The following ZNF700 variants were observed in gnomAD, a reference collection of about 807,000 sequenced individuals.
ZNF700 encodes the protein zinc finger protein 700.
ZNF700 carries 38 observed loss-of-function variants against 65.3 expected under a neutral mutation model. The ratio of observed to expected loss-of-function variants is 0.58; its 90% CI spans 0.45 to 0.76. The LOEUF (loss-of-function observed/expected upper bound fraction) is 0.76. Among genes scored for constraint, ZNF700 ranks in the 30% least tolerant of loss-of-function variants. The probability of loss-of-function intolerance (pLI) is 0.00; values close to 1 mark genes in which losing one functional copy is unlikely to be tolerated. For synonymous variants in ZNF700, 285 were observed against 290.4 expected (o/e 0.98, Z 0.19); for missense variants, 857 against 888.4 (o/e 0.96, Z 0.45).
Position 11,941,403 on chromosome 19 carries a change from C to T in ZNF700, c.64-5778C>T, listed in dbSNP as rs547925787. 4.5e-4 allele frequency among the ~76,000 whole-genome samples: 68 copies of T among 152,330 alleles called. 1 individual carries two copies. Among genetic ancestry groups the T allele is most frequent in the African/African-American group, 1.6e-3 (68 of 41,590 alleles). On this transcript the variant is annotated intron_variant, in intron 1 of 3. Coordinates refer to ENST00000254321, the MANE Select transcript of ZNF700 (RefSeq NM_144566.3). ...AGGAGCCCATGGAGGAGGTGGGAGA[C>T]TCAGGCATGATGGGCTGCAGGTCCC...
intron 1 of ZNF700, among the ~76,000 whole-genome samples, chr19:11,939,584 T>C (rs1277189042): frequency 2.0e-5 from 3 of 152,204 alleles, no homozygotes; most frequent in African/African-American, 7.2e-5. Context: ...CATTGGTCTA[T>C]ATCTCTGTTT....
At chr19:11,947,104 ACTT>A in intron 1 of ZNF700, 74 bp from the exon 2 acceptor site, 1 of 1,547,788 alleles carries the variant, frequency 6.5e-7, no homozygotes, top group South Asian at 1.3e-5. Context: ...CATCCTGAGA[ACTT>A]CTTGGGAATA....
intron 1 of ZNF700, among the ~76,000 whole-genome samples, chr19:11,925,810 C>G (rs1484889802): frequency 6.6e-6 from 1 of 152,170 alleles, no homozygotes; most frequent in Non-Finnish European, 1.5e-5. Flanking sequence ...TATTCAGAGC[C>G]GAATAGGAGA....
At chr19:11,926,764 A>G (rs1457971661) in intron 1 of ZNF700, 1 of 154,260 alleles carries the variant, frequency 6.5e-6, no homozygotes, top group Admixed American at 6.5e-5. Flanking sequence ...CAAACCAGAT[A>G]AATGCTTGAT....
intron 1 of ZNF700, among the ~76,000 whole-genome samples, chr19:11,946,376 G>A (rs1397000354): frequency 3.3e-5 from 5 of 152,112 alleles, no homozygotes; most frequent in Non-Finnish European, 7.4e-5. Context: ...GGGCATTGCT[G>A]TGCCATTTCC....
intron 1 of ZNF700, among the ~76,000 whole-genome samples, chr19:11,939,485 C>T (rs190330923): frequency 3.1e-4 from 47 of 152,252 alleles, no homozygotes; most frequent in African/African-American, 1.1e-3. Flanking sequence ...AATAGGGAAT[C>T]GTTTCCCCAT....
intron 1 of ZNF700, among the ~76,000 whole-genome samples, chr19:11,939,696 A>G (rs563601585): frequency 6.6e-6 from 1 of 152,178 alleles, no homozygotes; most frequent in Non-Finnish European, 1.5e-5. Context: ...GCTGACCTCC[A>G]TAATTGCACC....
In ZNF700 at chr19:11,925,148, C is replaced by G. The variant is rs2145266441; in HGVS notation, c.-63C>G. On this transcript the variant is annotated 5_prime_UTR_variant, in exon 1 of 4. Coordinates refer to ENST00000254321, the MANE Select transcript of ZNF700 (RefSeq NM_144566.3). ...GCGCGGGCGGCGGTTGGTAACCGGT[C>G]AGACCAGCCCGAGAGGGACCTGGTG... The G allele has an allele frequency of 1.3e-6, 2 of 1,594,330 alleles. No individual in the cohort carries two copies. The highest frequency in any genetic ancestry group is 2.3e-5 in the East Asian group (1 of 44,076).
chr19:11,928,250 T>A (rs1309378013), intron 1 of ZNF700, among the ~76,000 whole-genome samples: 1 of 152,166 alleles, frequency 6.6e-6, no homozygotes, highest in Non-Finnish European at 1.5e-5. Flanking sequence ...CCTCCAAAAG[T>A]GCTGGGATTA....
rs1056455483 is a variant in ZNF700, at chr19:11,945,754, C to T, written c.64-1427C>T. Among the ~76,000 whole-genome samples the T allele has an allele frequency of 1.4e-4, 22 of 152,048 alleles. 1 individual carries two copies. The highest frequency in any genetic ancestry group is 3.4e-3 in the Middle Eastern group (1 of 294). On this transcript the variant is annotated intron_variant, in intron 1 of 3. Transcript: ENST00000254321. ...GTAAGGGCCATGATGACTCCCTTTCCGGGTAACTTTAGCTGTAAAAGAGCT... is the reference window on the plus strand; with the variant it reads ...GTAAGGGCCATGATGACTCCCTTTCTGGGTAACTTTAGCTGTAAAAGAGCT...
chr19:11,947,366 G>A lies in ZNF700; in HGVS notation c.190+59G>A. 3.1e-6 allele frequency: 5 copies of A among 1,609,988 alleles called. No homozygotes were observed. In the South Asian group the frequency reaches 4.4e-5, roughly 14 times the overall value. ...TAGCAAACCAGTGTTTCTAGCTCATGAATGCTGTTGAGTGATTTTGAACAT... is the reference window on the plus strand; with the variant it reads ...TAGCAAACCAGTGTTTCTAGCTCATAAATGCTGTTGAGTGATTTTGAACAT... On this transcript the variant is annotated intron_variant, in intron 2 of 3. Coordinates refer to ENST00000254321, the MANE Select transcript of ZNF700 (RefSeq NM_144566.3).
At chr19:11,935,101 G>A (rs113165066) in intron 1 of ZNF700, among the ~76,000 whole-genome samples, 13,656 of 142,054 alleles carry the variant, frequency 0.096, 2,119 homozygotes, top group African/African-American at 0.27. Context: ...GCATGAACCC[G>A]GGAGGCGGAG....
rs1207999179 is a variant in ZNF700, at chr19:11,931,570, C to T, written c.63+6297C>T. On this transcript the variant is annotated intron_variant, in intron 1 of 3. Coordinates refer to ENST00000254321, the MANE Select transcript of ZNF700 (RefSeq NM_144566.3). ...CTTGTCTATTTTTAGTCATTGTCTT[C>T]TATTTCAGTCTTTAGAAGTACCTTT... Among the ~76,000 whole-genome samples the T allele has an allele frequency of 3.4e-5, 5 of 148,050 alleles. 1 individual carries two copies. The highest frequency in any genetic ancestry group is 2.1e-4 in the South Asian group (1 of 4,774).
At chr19:11,937,311 G>T (rs755346641) in intron 1 of ZNF700, among the ~76,000 whole-genome samples, 1 of 152,026 alleles carries the variant, frequency 6.6e-6, no homozygotes, top group Non-Finnish European at 1.5e-5. Context: ...AGGTGTTTCA[G>T]TACCATTTGT....
At chr19:11,939,728 T>C (rs1381879991) in intron 1 of ZNF700, among the ~76,000 whole-genome samples, 3 of 152,172 alleles carry the variant, frequency 2.0e-5, no homozygotes, top group African/African-American at 4.8e-5. Flanking sequence ...CCTAAAGTAC[T>C]GGAATTATAG....
chr19:11,935,616 G>C (rs1008297302), intron 1 of ZNF700, among the ~76,000 whole-genome samples: 12 of 152,048 alleles, frequency 7.9e-5, no homozygotes, highest in African/African-American at 2.9e-4. Context: ...TCCATCACCA[G>C]ATAGGCGTTC....
At chr19:11,941,538 G>T (rs1972883928) in intron 1 of ZNF700, among the ~76,000 whole-genome samples, 1 of 152,214 alleles carries the variant, frequency 6.6e-6, no homozygotes, top group East Asian at 1.9e-4. Flanking sequence ...CGCTGGCCCA[G>T]GTGCTAAGCC....
intron 1 of ZNF700, among the ~76,000 whole-genome samples, chr19:11,944,793 G>A (rs73923307): frequency 0.013 from 2,001 of 152,284 alleles, 40 homozygotes; most frequent in African/African-American, 0.045. Context: ...GTAATACATC[G>A]CTGTGCCACT....
At chr19:11,939,136 A>G (rs1414748928) in intron 1 of ZNF700, among the ~76,000 whole-genome samples, 1 of 152,218 alleles carries the variant, frequency 6.6e-6, no homozygotes, top group Non-Finnish European at 1.5e-5. Flanking sequence ...GCCCTTTGTC[A>G]GATGGGTAGA....
Sources: gnomAD v4.1 joint callset for allele counts (sites outside exome capture counted in the v4.1 genomes callset) on GRCh38, gnomAD v4.1.1 for gene constraint, MANE v1.5 for transcripts, NCBI Gene and HGNC (gene_info 2026-07-23, HGNC 2026-07-21) for gene names.